CNTN4: variants seen among roughly 807,000 people sequenced by gnomAD.
The protein encoded by CNTN4 is contactin-4.
In CNTN4, 77 loss-of-function variants were observed where a neutral mutation model predicts 122.5. The observed-to-expected ratio is 0.63, with a 90% CI of 0.52 to 0.76. CNTN4 has a LOEUF of 0.76. CNTN4 is among the 30% of genes least tolerant of loss of function. CNTN4 has a pLI of 0.00. For synonymous variants in CNTN4, 512 were observed against 447.0 expected (o/e 1.15, Z -1.83); for missense variants, 1,256 against 1,259.1 (o/e 1.00, Z 0.04).
At chr3:2,827,497 T>C (rs546062068) in intron 7 of CNTN4, among the ~76,000 whole-genome samples, 40 of 152,354 alleles carry the variant, frequency 2.6e-4, no homozygotes, top group African/African-American at 8.4e-4. Context: ...TTTGGAGATA[T>C]GTGATTCTTG....
intron 3 of CNTN4, among the ~76,000 whole-genome samples, chr3:2,515,812 C>T (rs956868085): frequency 6.6e-6 from 1 of 152,020 alleles, no homozygotes; most frequent in Non-Finnish European, 1.5e-5. Context: ...ACTTGTAGGA[C>T]ATGGATTGTA....
At chr3:2,448,021 A>G (rs1012034810) in intron 3 of CNTN4, among the ~76,000 whole-genome samples, 3 of 152,222 alleles carry the variant, frequency 2.0e-5, no homozygotes, top group African/African-American at 7.2e-5. Flanking sequence ...AGCTACTGTG[A>G]TATACTTCTC....
In CNTN4 at chr3:3,009,075, C is replaced by T. The variant is rs190031041; in HGVS notation, c.1487-17027C>T. ...GAGCAAGTGGCAAGAGCACCACCTC[C>T]GGAGCCACAATTAGGGAAGTACCAT... On this transcript the variant is annotated intron_variant, in intron 14 of 24. Coordinates refer to ENST00000418658, the MANE Select transcript of CNTN4 (RefSeq NM_175607.3). 7.0e-5 allele frequency: 68 copies of T among 973,692 alleles called. No individual in the cohort carries two copies. The African/African-American group carries it at 9.6e-4, about 14-fold the overall frequency. The allele number at this position is 973,692 out of a possible 1,614,324, so 60.3% of individuals were successfully genotyped here.
intron 3 of CNTN4, among the ~76,000 whole-genome samples, chr3:2,557,327 G>A (rs2078760172): frequency 6.6e-6 from 1 of 152,214 alleles, no homozygotes; most frequent in Admixed American, 6.5e-5. Context: ...ACATCGCATT[G>A]CAAGGAGCTT....
chr3:2,846,553 C>CA (rs1208426889), intron 7 of CNTN4, among the ~76,000 whole-genome samples: 5 of 152,124 alleles, frequency 3.3e-5, no homozygotes, highest in Non-Finnish European at 7.3e-5. Context: ...ATTTCCCAAA[C>CA]ATATTTGTCC....
intron 3 of CNTN4, among the ~76,000 whole-genome samples, chr3:2,559,794 G>C (rs2078872587): frequency 6.6e-6 from 1 of 152,164 alleles, no homozygotes; most frequent in Non-Finnish European, 1.5e-5. Context: ...ATGAACTAAA[G>C]CATGATGATA....
chr3:3,022,183 G>T (rs1316265927), intron 14 of CNTN4, among the ~76,000 whole-genome samples: 1 of 152,004 alleles, frequency 6.6e-6, no homozygotes, highest in Non-Finnish European at 1.5e-5. Context: ...TAGGGAGGTT[G>T]CAGTGAGCCA....
chr3:2,984,692 G>T (rs1319390412), intron 13 of CNTN4, among the ~76,000 whole-genome samples: 2 of 152,156 alleles, frequency 1.3e-5, no homozygotes, highest in African/African-American at 4.8e-5. Context: ...GATGGCTTTA[G>T]GTTTTTGGAA....
intron 3 of CNTN4, among the ~76,000 whole-genome samples, chr3:2,501,059 G>T (rs2076581034): frequency 6.6e-6 from 1 of 152,074 alleles, no homozygotes; most frequent in East Asian, 1.9e-4. Context: ...TTGCATGCCA[G>T]TTAATACTTG....
intron 2 of CNTN4, among the ~76,000 whole-genome samples, chr3:2,186,464 T>G (rs1318311673): frequency 1.3e-5 from 2 of 152,314 alleles, no homozygotes; most frequent in African/African-American, 4.8e-5. Context: ...GATGGCTGGG[T>G]CAAATGGTAT....
chr3:2,941,951 C>G (rs1258995477), intron 13 of CNTN4, among the ~76,000 whole-genome samples: 1 of 152,182 alleles, frequency 6.6e-6, no homozygotes, highest in Non-Finnish European at 1.5e-5. Flanking sequence ...CACTATAACA[C>G]CAGTGCCTCC....
At chr3:2,686,613 A>G (rs2085443050) in intron 4 of CNTN4, among the ~76,000 whole-genome samples, 1 of 152,154 alleles carries the variant, frequency 6.6e-6, no homozygotes, top group Non-Finnish European at 1.5e-5. Flanking sequence ...AAGCTAATGA[A>G]CATATTCATC....
chr3:2,644,418 T>A (rs1302726642), intron 4 of CNTN4, among the ~76,000 whole-genome samples: 1 of 152,172 alleles, frequency 6.6e-6, no homozygotes, highest in Non-Finnish European at 1.5e-5. Flanking sequence ...TCTTTCACCA[T>A]GAGCTCCTTT....
chr3:2,840,506 C>G (rs1272936595), intron 7 of CNTN4, among the ~76,000 whole-genome samples: 2 of 133,474 alleles, frequency 1.5e-5, no homozygotes, highest in Non-Finnish European at 3.2e-5. Flanking sequence ...CGAGACCATC[C>G]TGGCTAACAC....
intron 3 of CNTN4, among the ~76,000 whole-genome samples, chr3:2,472,211 G>A (rs1000856931): frequency 1.3e-5 from 2 of 151,524 alleles, no homozygotes; most frequent in South Asian, 4.2e-4. Flanking sequence ...AAAGACAAGT[G>A]CTTTTCTTTT....
At chr3:2,761,529 C>G (rs2090592101) in intron 6 of CNTN4, among the ~76,000 whole-genome samples, 1 of 151,618 alleles carries the variant, frequency 6.6e-6, no homozygotes, top group Non-Finnish European at 1.5e-5. Flanking sequence ...TGTGAATGCT[C>G]TGATTTCTTA....
intron 2 of CNTN4, among the ~76,000 whole-genome samples, chr3:2,164,703 T>C (rs1288837245): frequency 2.0e-5 from 3 of 152,160 alleles, no homozygotes; most frequent in African/African-American, 4.8e-5. Context: ...CAGAAAATGC[T>C]AGTGGACAAT....
intron 7 of CNTN4, among the ~76,000 whole-genome samples, chr3:2,819,801 A>G (rs1160063225): frequency 6.6e-6 from 1 of 152,168 alleles, no homozygotes; most frequent in Non-Finnish European, 1.5e-5. Context: ...ACCTGGCACA[A>G]GAAGAAAGAC....
intron 14 of CNTN4, among the ~76,000 whole-genome samples, chr3:3,015,536 C>T (rs1284179435): frequency 6.6e-6 from 1 of 152,210 alleles, no homozygotes; most frequent in Admixed American, 6.5e-5. Context: ...AGAAGTACTG[C>T]TTTAGAATAT....
Sources: gnomAD v4.1 joint callset for allele counts (sites outside exome capture counted in the v4.1 genomes callset) on GRCh38, gnomAD v4.1.1 for gene constraint, MANE v1.5 for transcripts, NCBI Gene and HGNC (gene_info 2026-07-23, HGNC 2026-07-21) for gene names.